Variants in ANKS1B observed in about 807,000 individuals in gnomAD.
ANKS1B encodes ankyrin repeat and sterile alpha motif domain containing 1B, also known as ankyrin repeat and sterile alpha motif domain-containing protein 1B.
Under a neutral mutation model 148.3 loss-of-function variants are expected in ANKS1B, and 36 were observed. That is an observed-to-expected ratio of 0.24 (90% confidence interval 0.19 to 0.32). The LOEUF is 0.32. ANKS1B is among the 10% of genes least tolerant of loss of function. The pLI is 1.00. For synonymous variants in ANKS1B, 542 were observed against 560.8 expected (o/e 0.97, Z 0.47); for missense variants, 1,157 against 1,542.6 (o/e 0.75, Z 4.19).
At chr12:99,709,150 G>A (rs1029473526) in intron 8 of ANKS1B, among the ~76,000 whole-genome samples, 9 of 152,168 alleles carry the variant, frequency 5.9e-5, no homozygotes, top group East Asian at 3.9e-4. Flanking sequence ...GTGTGTGCAC[G>A]CACACATGCA....
chr12:99,890,292 C>T (rs2093028186), intron 1 of ANKS1B, among the ~76,000 whole-genome samples: 1 of 152,046 alleles, frequency 6.6e-6, no homozygotes, highest in African/African-American at 2.4e-5. Flanking sequence ...ATTACCCTCC[C>T]TAATGTAGAT....
chr12:99,979,119 A>G (rs2095662430), intron 1 of ANKS1B, among the ~76,000 whole-genome samples: 1 of 152,146 alleles, frequency 6.6e-6, no homozygotes, highest in Admixed American at 6.6e-5. Context: ...GATATGTTAA[A>G]TAAACTGAAA....
chr12:99,574,289 T>C (rs61942125), intron 9 of ANKS1B, among the ~76,000 whole-genome samples: 6,607 of 152,200 alleles, frequency 0.043, 212 homozygotes, highest in Non-Finnish European at 0.071. Context: ...TACACGTAAA[T>C]CTTAGTTGTA....
intron 1 of ANKS1B, among the ~76,000 whole-genome samples, chr12:99,951,756 T>C (rs11110147): frequency 0.13 from 20,421 of 151,716 alleles, 1,849 homozygotes; most frequent in Middle Eastern, 0.2. Context: ...CAATGGCCCA[T>C]GCCTGTAGTC....
chr12:99,632,200 C>T (rs1310857621), intron 9 of ANKS1B, among the ~76,000 whole-genome samples: 1 of 152,110 alleles, frequency 6.6e-6, no homozygotes, highest in Non-Finnish European at 1.5e-5. Flanking sequence ...TGGTACAAGT[C>T]ATAAACTATA....
chr12:99,227,899 G>T (rs1601856354), intron 14 of ANKS1B, among the ~76,000 whole-genome samples: 1 of 151,888 alleles, frequency 6.6e-6, no homozygotes, highest in Admixed American at 6.6e-5. Flanking sequence ...CTTACATTAT[G>T]TATTTGTTAT....
intron 14 of ANKS1B, among the ~76,000 whole-genome samples, chr12:99,173,870 T>G (rs933661812): frequency 1.3e-5 from 2 of 152,104 alleles, no homozygotes; most frequent in Admixed American, 1.3e-4. Flanking sequence ...TATCATCTAC[T>G]GGGATAGGTA....
intron 14 of ANKS1B, among the ~76,000 whole-genome samples, chr12:99,185,740 G>A (rs1328636595): frequency 1.3e-5 from 2 of 152,232 alleles, no homozygotes; most frequent in Non-Finnish European, 2.9e-5. Context: ...CATGGTCTTC[G>A]CAACCTGCAG....
At chr12:98,942,902 G>A (rs565504311) in intron 17 of ANKS1B, among the ~76,000 whole-genome samples, 3 of 152,228 alleles carry the variant, frequency 2.0e-5, no homozygotes, top group South Asian at 2.1e-4. Flanking sequence ...TGTCAGAATC[G>A]TCCTCTTTAA....
At chr12:99,609,124 T>A (rs1358064516) in intron 9 of ANKS1B, among the ~76,000 whole-genome samples, 1 of 151,952 alleles carries the variant, frequency 6.6e-6, no homozygotes, top group Non-Finnish European at 1.5e-5. Context: ...CAGTTGACTG[T>A]GAAGTTCCCA....
chr12:99,477,104 C>A (rs2096337053), intron 10 of ANKS1B, among the ~76,000 whole-genome samples: 1 of 152,128 alleles, frequency 6.6e-6, no homozygotes, highest in African/African-American at 2.4e-5. Context: ...GTCTTTGTAA[C>A]CTGATCTCAG....
intron 9 of ANKS1B, among the ~76,000 whole-genome samples, chr12:99,531,736 A>C (rs2096993773): frequency 1.3e-5 from 2 of 152,204 alleles, no homozygotes; most frequent in Admixed American, 6.5e-5. Flanking sequence ...TGGATTGTTC[A>C]ATAGATGGTA....
intron 17 of ANKS1B, among the ~76,000 whole-genome samples, chr12:99,027,443 G>C (rs2099949408): frequency 6.6e-6 from 1 of 152,206 alleles, no homozygotes; most frequent in South Asian, 2.1e-4. Context: ...GAGTTCCTTA[G>C]ATATCAGGTA....
intron 9 of ANKS1B, chr12:99,648,028 T>G: frequency 8.9e-7 from 1 of 1,120,874 alleles, no homozygotes; most frequent in Non-Finnish European, 1.2e-6. Context: ...CTCCCTGTTC[T>G]CAGTCACTTG....
At chr12:98,821,034 C>T (rs957828073) in intron 19 of ANKS1B, among the ~76,000 whole-genome samples, 4 of 152,118 alleles carry the variant, frequency 2.6e-5, no homozygotes, top group Non-Finnish European at 4.4e-5. Flanking sequence ...TAAAACACTT[C>T]GAAAAAATAC....
intron 1 of ANKS1B, among the ~76,000 whole-genome samples, chr12:99,845,490 G>A (rs951132729): frequency 1.3e-5 from 2 of 151,894 alleles, no homozygotes; most frequent in African/African-American, 4.8e-5. Context: ...TAATCATGTG[G>A]TTTCTTTACT....
In ANKS1B at chr12:99,387,359, T is replaced by A. The variant is rs1315151028; in HGVS notation, c.1756+12272A>T. 3.3e-5 allele frequency among the ~76,000 whole-genome samples: 5 copies of A among 152,286 alleles called. No homozygotes were observed. The East Asian group carries it at 9.7e-4, about 29-fold the overall frequency. ...CTGGCCGGGCGCGGTGGCTCACGCCTGTAATCCCAGCACTTTGGGAGGCCG... is the reference window on the plus strand; with the variant it reads ...CTGGCCGGGCGCGGTGGCTCACGCCAGTAATCCCAGCACTTTGGGAGGCCG... On this transcript the variant is annotated intron_variant, in intron 12 of 26. Transcript: ENST00000683438.
chr12:99,571,818 T>C (rs114759499), intron 9 of ANKS1B, among the ~76,000 whole-genome samples: 360 of 152,200 alleles, frequency 2.4e-3, no homozygotes, highest in African/African-American at 8.5e-3. Flanking sequence ...GGAAATGAAG[T>C]GTTCTAAGGA....
intron 22 of ANKS1B, among the ~76,000 whole-genome samples, chr12:98,793,270 G>A (rs1010676629): frequency 1.3e-5 from 2 of 151,940 alleles, no homozygotes; most frequent in Admixed American, 6.6e-5. Flanking sequence ...TATACTTTTT[G>A]GCCATTTGTA....
Sources: allele counts gnomAD v4.1 joint callset (sites outside exome capture counted in the v4.1 genomes callset), GRCh38; gene constraint gnomAD v4.1.1; transcripts MANE v1.5; gene names NCBI Gene and HGNC (gene_info 2026-07-23, HGNC 2026-07-21).